The following PLK4 variants were observed in gnomAD, a reference collection of about 807,000 sequenced individuals.
The protein encoded by PLK4 is polo like kinase 4, also known as serine/threonine-protein kinase PLK4.
Under a neutral mutation model 103.0 loss-of-function variants are expected in PLK4, and 51 were observed. The observed-to-expected ratio is 0.50, with a 90% CI of 0.40 to 0.63. The LOEUF (loss-of-function observed/expected upper bound fraction) is 0.63, where lower values mean the gene tolerates loss of function less well. Ranked by LOEUF, PLK4 falls within the 20% of genes least tolerant of loss-of-function variation. The probability of loss-of-function intolerance (pLI) is 0.00; values close to 1 mark genes in which losing one functional copy is unlikely to be tolerated. For synonymous variants in PLK4, 389 were observed against 376.8 expected, an observed-to-expected ratio of 1.03 and a Z score of -0.38; for missense variants, 1,054 against 1,151.0, an observed-to-expected ratio of 0.92 and a Z score of 1.22.
chr4:127,893,597 A>T lies in PLK4; in HGVS notation c.2407A>T (p.Ile803Leu), dbSNP rs368939114. The change falls in exon 12 of 16, where the codon ATA (isoleucine) becomes TTA (leucine). Residue 803 changes from isoleucine (I) to leucine (L), a missense_variant. By Grantham distance (5) the Ile-to-Leu change is conservative. Coordinates refer to ENST00000270861, the MANE Select transcript of PLK4 (RefSeq NM_014264.5). ...GAGTGCTCCCTTTTTCCCAATAATC[A>T]TAGGAAGGTAAATGTCTGAAAATTT... ...TRSAPFFPII[I>L]GRKPGSTSSP... 1 of 1,608,692 alleles carries T rather than the reference A, an allele frequency of 6.2e-7. No homozygotes were observed. Among genetic ancestry groups the T allele is most frequent in the East Asian group, 2.2e-5 (1 of 44,792 alleles).
At position 127,893,780 on chromosome 4, in the gene PLK4, T is replaced by C. The variant is rs758761192; in HGVS notation, c.2461T>C (p.Ser821Pro). 9 of 1,613,286 alleles carry C rather than the reference T, an allele frequency of 5.6e-6. No homozygotes were observed. The highest frequency in any genetic ancestry group is 6.8e-6 in the Non-Finnish European group (8 of 1,179,298). Residue 821 changes from serine to proline, a missense_variant, in exon 13 of 16, where the codon TCT becomes CCT. Coordinates refer to ENST00000270861, the MANE Select transcript of PLK4 (RefSeq NM_014264.5). ...SSPKALSPPPSVDSNYPTRER... is the reference protein window; with the variant it reads ...SSPKALSPPPPVDSNYPTRER... ...ACCTAAGGCCTTATCACCTCCTCCT[T>C]CTGTGGATTCAAATTACCCAACGAG...
At chr4:127,891,866 G>A in intron 9 of PLK4, 185 bp downstream of exon 9, 1 of 335,970 alleles carries the variant, frequency 3.0e-6, no homozygotes, top group Non-Finnish European at 5.3e-6. Context: ...TTAATATTCT[G>A]TGTTATAATG....
chr4:127,885,358 A>T (rs1735079156), intron 4 of PLK4, among the ~76,000 whole-genome samples: 1 of 151,346 alleles, frequency 6.6e-6, no homozygotes, highest in South Asian at 2.1e-4. Context: ...GGGCGCCTGT[A>T]GTCCCAGCTA....
In PLK4 at chr4:127,880,955, C is replaced by T. The variant is rs1734891297; in HGVS notation, c.-180C>T. 13 of 640,654 alleles carry T rather than the reference C, an allele frequency of 2.0e-5. No individual in the cohort carries two copies. Among genetic ancestry groups the T allele is most frequent in the Non-Finnish European group, 3.5e-5 (13 of 372,252 alleles). The allele number at this position is 640,654 out of a possible 1,614,324, so 39.7% of individuals were successfully genotyped here. On this transcript the variant is annotated 5_prime_UTR_variant, in exon 1 of 16. Coordinates refer to ENST00000270861, the MANE Select transcript of PLK4 (RefSeq NM_014264.5). ...TTTCAAAATGGGAGCCCAGAGGCACCGCCCAGGCCTCGGAAGGTGTCAGGG... is the reference window on the plus strand; with the variant it reads ...TTTCAAAATGGGAGCCCAGAGGCACTGCCCAGGCCTCGGAAGGTGTCAGGG...
Position 127,895,069 on chromosome 4 carries a change from GA to G in PLK4, c.2684del (p.Asn895MetfsTer8). On this transcript the variant is annotated frameshift_variant, in exon 14 of 16. Coordinates refer to ENST00000270861, the MANE Select transcript of PLK4 (RefSeq NM_014264.5). LOFTEE classifies it high-confidence loss of function. ...SAQLLKSVFV[K>X]NVGWATQLTS... Reference sequence around the variant, plus strand: ...CACAACTTTTGAAATCTGTTTTTGTGAAAAATGTTGGTTGGGCTACACAGGT... The same window carrying G: ...CACAACTTTTGAAATCTGTTTTTGTGAAAATGTTGGTTGGGCTACACAGGT... 1 of 1,611,602 alleles carries G rather than the reference GA, an allele frequency of 6.2e-7. No individual in the cohort carries two copies. The highest frequency in any genetic ancestry group is 1.1e-5 in the South Asian group (1 of 90,658).
At chr4:127,887,645 G>A in intron 6 of PLK4, 149 bp downstream of exon 6, 1 of 599,646 alleles carries the variant, frequency 1.7e-6, no homozygotes, top group South Asian at 2.1e-5. Context: ...GTGAGGCCAG[G>A]ACTGGTGGAT....
Position 127,893,570 on chromosome 4 carries a change from A to T in PLK4, c.2380A>T (p.Arg794Trp). The T allele has an allele frequency of 1.2e-6, 2 of 1,612,876 alleles. No individual in the cohort carries two copies. The highest frequency in any genetic ancestry group is 8.5e-7 in the Non-Finnish European group (1 of 1,179,124). ...AATTTCAGAAGAGGAAAGGAAAACT[A>T]GGAGTGCTCCCTTTTTCCCAATAAT... ...SIISEEERKT[R>W]SAPFFPIIIG... The change falls in exon 12 of 16, where the codon AGG becomes TGG. Residue 794 changes from arginine (R) to tryptophan (W), a missense_variant. Physicochemically the swap from Arg to Trp is moderately radical, Grantham distance 101. Coordinates refer to ENST00000270861, the MANE Select transcript of PLK4 (RefSeq NM_014264.5).
At position 127,891,639 on chromosome 4, in the gene PLK4, C is replaced by T; in HGVS notation, c.1996C>T (p.Pro666Ser). Residue 666 changes from proline (P) to serine (S), a missense_variant, in exon 9 of 16, where the codon CCT (proline) becomes TCT (serine). Coordinates refer to ENST00000270861, the MANE Select transcript of PLK4 (RefSeq NM_014264.5). ...TCCTCTTGCTGATAGACCACCCTCA[C>T]CTACTGACAACATCAGTAGGTACAG... is the stretch of plus-strand genomic sequence containing the variant. ...GFPLADRPPS[P>S]TDNISRYSFD... 1 of 1,550,594 alleles carries T rather than the reference C, an allele frequency of 6.4e-7. No homozygotes were observed. The highest frequency in any genetic ancestry group is 1.2e-5 in the South Asian group (1 of 80,944).
In PLK4 at chr4:127,885,877, T is replaced by C. The variant is rs750358275; in HGVS notation, c.507T>C (p.Tyr169=). Reference sequence around the variant, plus strand: ...TGAAAATGCCACATGAAAAGCACTATACATTATGTGGAACTCCTAACTACA... The same window carrying C: ...TGAAAATGCCACATGAAAAGCACTACACATTATGTGGAACTCCTAACTACA... ...TQLKMPHEKH[Y]TLCGTPNYIS... The change falls in exon 5 of 16, where the codon TAT becomes TAC. Residue 169 remains tyrosine, a synonymous_variant. Transcript: ENST00000270861. 1.1e-5 allele frequency: 18 copies of C among 1,613,992 alleles called. No individual in the cohort carries two copies. The African/African-American group carries it at 1.6e-4, about 14-fold the overall frequency.
intron 6 of PLK4, among the ~76,000 whole-genome samples, chr4:127,888,105 G>T (rs1382939241): frequency 7.5e-6 from 1 of 133,238 alleles, no homozygotes; most frequent in Non-Finnish European, 1.5e-5. Context: ...GCTTGAACCA[G>T]GGAGACAGAG....
chr4:127,894,926 T>A, intron 13 of PLK4, 27 bp from the exon 14 acceptor site: 1 of 1,415,150 alleles, frequency 7.1e-7, no homozygotes, highest in Non-Finnish European at 9.4e-7. Flanking sequence ...TGAGGAATAA[T>A]ATCTTCCTGT....
In PLK4 at chr4:127,885,775, G is replaced by A; in HGVS notation, c.405G>A (p.Arg135=). ...LYLHSHGILH[R]DLTLSNLLLT... is the part of the protein sequence containing the mutation. ...TTCATTCTCATGGTATACTACACCG[G>A]GACCTCACACTTTCTAACCTCCTAC... The change falls in exon 5 of 16, where the codon CGG becomes CGA. Residue 135 remains arginine, a synonymous_variant. Coordinates refer to ENST00000270861, the MANE Select transcript of PLK4 (RefSeq NM_014264.5). 2 of 1,613,224 alleles carry A rather than the reference G, an allele frequency of 1.2e-6. No homozygotes were observed. Among genetic ancestry groups the A allele is most frequent in the Non-Finnish European group, 1.7e-6 (2 of 1,179,360 alleles).
rs1316909862 is a variant in PLK4 at position 127,887,457 on chromosome 4, GA to G, written c.1423del (p.Thr475ProfsTer11). 16 of 1,610,792 alleles carry G rather than the reference GA, an allele frequency of 9.9e-6. No homozygotes were observed. The highest frequency in any genetic ancestry group is 1.2e-5 in the Non-Finnish European group (14 of 1,177,558). On this transcript the variant is annotated frameshift_variant, in exon 6 of 16. Coordinates refer to ENST00000270861, the MANE Select transcript of PLK4 (RefSeq NM_014264.5). LOFTEE classifies it high-confidence loss of function. ...FPFADPTPQT[E>X]TVQQWFGNLQ... ...ATTTGCAGACCCGACACCTCAGACT[GA>G]AACCGTACAACAGTGGTTTGGGAAT...
chr4:127,891,544 C>A, intron 8 of PLK4, 35 bp from the exon 9 acceptor site: 2 of 862,204 alleles, frequency 2.3e-6, no homozygotes, highest in Non-Finnish European at 3.7e-6. Context: ...AACTTAATGG[C>A]ATGTAATTAG....
At chr4:127,891,070 T>C in intron 7 of PLK4, 22 bp from the exon 8 acceptor site, 1 of 1,337,140 alleles carries the variant, frequency 7.5e-7, no homozygotes, top group Non-Finnish European at 1.1e-6. Flanking sequence ...TATTACTGAT[T>C]TTGGGTTTTT....
Position 127,898,759 on chromosome 4 carries a change from C to T in PLK4, c.*218C>T, listed in dbSNP as rs1351244719. ...ATATAAAATAGAACACCTGACTTTG[C>T]TCTTAGACCATAACCCCCGAACTTA... On this transcript the variant is annotated 3_prime_UTR_variant, in exon 16 of 16. Transcript: ENST00000270861. 1 of 400,306 alleles carries T rather than the reference C, an allele frequency of 2.5e-6. No individual in the cohort carries two copies. The allele number at this position is 400,306 out of a possible 1,614,324, so 24.8% of individuals were successfully genotyped here. A position where few individuals can be genotyped will look rare whatever the true frequency, so the allele number is the denominator to read the frequency against.
At chr4:127,888,786 A>G (rs1259253125) in intron 6 of PLK4, among the ~76,000 whole-genome samples, 2 of 152,182 alleles carry the variant, frequency 1.3e-5, no homozygotes, top group African/African-American at 4.8e-5. Flanking sequence ...ATTTTTTACT[A>G]AGTATCGTAT....
At chr4:127,885,624 G>C (rs1735092005) in intron 4 of PLK4, 84 bp from the exon 5 acceptor site, 2 of 1,041,216 alleles carry the variant, frequency 1.9e-6, no homozygotes, top group Non-Finnish European at 2.8e-6. Context: ...TATTTACCTG[G>C]GTTTCATAAT....
chr4:127,882,065 G>A, intron 2 of PLK4, 139 bp downstream of exon 2: 1 of 580,886 alleles, frequency 1.7e-6, no homozygotes, highest in South Asian at 2.2e-5. Flanking sequence ...GAAGACAATA[G>A]TGCCAAGTCC....
Sources: gnomAD v4.1 joint callset for allele counts (sites outside exome capture counted in the v4.1 genomes callset) on GRCh38, gnomAD v4.1.1 for gene constraint, MANE v1.5 for transcripts, NCBI Gene and HGNC (gene_info 2026-07-23, HGNC 2026-07-21) for gene names.